SLC35F5: variants seen among roughly 807,000 people sequenced by gnomAD.
SLC35F5 encodes the protein HCV NS5A-transactivated protein 3.
A neutral mutation model predicts 68.6 loss-of-function variants in SLC35F5; 54 were observed. That is an observed-to-expected ratio of 0.79 (90% CI 0.63 to 0.99). SLC35F5 has a LOEUF of 0.99. Ranked by LOEUF, SLC35F5 falls within the 50% of genes least tolerant of loss-of-function variation. SLC35F5 has a pLI of 0.00. For missense variants in SLC35F5, 567 were observed against 626.9 expected, an observed-to-expected ratio of 0.90 and a Z score of 1.02; for synonymous variants, 211 against 205.2, an observed-to-expected ratio of 1.03 and a Z score of -0.24.
rs1406007662 is a variant in SLC35F5 at position 113,712,035 on chromosome 2, T to C, written c.*3183A>G. Among the ~76,000 whole-genome samples the C allele has an allele frequency of 6.6e-6, 1 of 152,208 alleles. No individual in the cohort carries two copies. Among genetic ancestry groups the C allele is most frequent in the African/African-American group, 2.4e-5 (1 of 41,458 alleles). The stretch of plus-strand genomic sequence containing the variant: ...AGTCATACCTCAAATTGGCTCTGCA[T>C]GATTGATTTTACAGCGGGCATTAAA... On this transcript the variant is annotated 3_prime_UTR_variant, in exon 16 of 16. Coordinates refer to ENST00000245680, the MANE Select transcript of SLC35F5 (RefSeq NM_025181.5).
chr2:113,750,755 C>A (rs1413518173), intron 3 of SLC35F5, among the ~76,000 whole-genome samples, 187 bp from the exon 4 acceptor site: 1 of 152,192 alleles, frequency 6.6e-6, no homozygotes, highest in Non-Finnish European at 1.5e-5. Flanking sequence ...CACAGAAGGG[C>A]ACCACCAAAC....
chr2:113,755,240 G>T lies in SLC35F5; in HGVS notation c.198C>A (p.Arg66=). The T allele has an allele frequency of 1.9e-6, 3 of 1,614,076 alleles. No homozygotes were observed. The highest frequency in any genetic ancestry group is 2.5e-6 in the Non-Finnish European group (3 of 1,180,002). Residue 66 remains arginine, a synonymous_variant, in exon 3 of 16, where the codon CGC becomes CGA. Transcript: ENST00000245680. Reference sequence around the variant, plus strand: ...TAACAATCCCAAGAGCCATTCGCCTGCGCTGAGTGAAACCACTGTTCTGGG... The same window carrying T: ...TAACAATCCCAAGAGCCATTCGCCTTCGCTGAGTGAAACCACTGTTCTGGG... ...MNSQNSGFTQ[R]RRMALGIVIL... is the part of the protein sequence containing the mutation.
At chr2:113,755,599 T>G (rs1676946952) in intron 1 of SLC35F5, 55 bp from the exon 2 acceptor site, 2 of 1,483,238 alleles carry the variant, frequency 1.3e-6, no homozygotes, top group Non-Finnish European at 1.9e-6. Flanking sequence ...AAGGTAAGAT[T>G]CATCACATCG....
At chr2:113,723,361 C>CAA (rs35737031) in intron 12 of SLC35F5, among the ~76,000 whole-genome samples, 167 bp from the exon 13 acceptor site, 105,931 of 151,722 alleles carry the variant, frequency 0.7, 37,602 homozygotes, top group Middle Eastern at 0.82. Flanking sequence ...AGATGATTCT[C>CAA]AGTTTTTCTT....
At chr2:113,736,923 A>AT (rs1688118827) in intron 7 of SLC35F5, among the ~76,000 whole-genome samples, 1 of 152,124 alleles carries the variant, frequency 6.6e-6, no homozygotes, top group Non-Finnish European at 1.5e-5. Flanking sequence ...TAATTCATCC[A>AT]TTTTTTTGTG....
chr2:113,719,183 A>C lies in SLC35F5; in HGVS notation c.1467T>G (p.Ala489=), dbSNP rs41279748. The C allele has an allele frequency of 9.8e-3, 15,781 of 1,607,250 alleles. 102 individuals are homozygous for C. The highest frequency in any genetic ancestry group is 0.012 in the Non-Finnish European group (13,778 of 1,178,636). The part of the protein sequence containing the change: ...PVMVGIRRIF[A]FICRKHRIQR... ...GAATTCGATGTTTTCTGCATATAAA[A>C]GCAAATATTCTTCTGATTCCCACCA... The change falls in exon 14 of 16, where the codon GCT becomes GCG. Residue 489 remains alanine (A), a synonymous_variant. Coordinates refer to ENST00000245680, the MANE Select transcript of SLC35F5 (RefSeq NM_025181.5).
At position 113,755,274 on chromosome 2, in the gene SLC35F5, C is replaced by A. The variant is rs775870472; in HGVS notation, c.164G>T (p.Arg55Leu). 1 of 1,614,052 alleles carries A rather than the reference C, an allele frequency of 6.2e-7. No homozygotes were observed. Among genetic ancestry groups the A allele is most frequent in the Non-Finnish European group, 8.5e-7 (1 of 1,180,006 alleles). Residue 55 changes from arginine to leucine, a missense_variant, in exon 3 of 16, where the codon CGA (arginine) becomes CTA (leucine). Coordinates refer to ENST00000245680, the MANE Select transcript of SLC35F5 (RefSeq NM_025181.5). The stretch of plus-strand genomic sequence containing the variant: ...GAAACCACTGTTCTGGGAATTCATT[C>A]GGTTCATGACAAATACACACACCAT... ...LQMVCVFVMN[R>L]MNSQNSGFTQ...
At chr2:113,754,286 C>T (rs1174679446) in intron 3 of SLC35F5, among the ~76,000 whole-genome samples, 5 of 143,056 alleles carry the variant, frequency 3.5e-5, no homozygotes, top group African/African-American at 1.3e-4. Flanking sequence ...CAGAGCAAGA[C>T]TCCATCTCAA....
rs1367897126 is a variant in SLC35F5, at chr2:113,709,465, C to T, written c.*5753G>A. ...TGAGGGAAGGACGGACCATGGGAGT[C>T]AGCATTTTTCAAGCATCCAGGCACG... On this transcript the variant is annotated 3_prime_UTR_variant, in exon 16 of 16. Transcript: ENST00000245680. Among the ~76,000 whole-genome samples, 1 of 152,216 alleles carries T rather than the reference C, an allele frequency of 6.6e-6. No individual in the cohort carries two copies. The highest frequency in any genetic ancestry group is 6.5e-5 in the Admixed American group (1 of 15,286).
intron 1 of SLC35F5, chr2:113,755,818 G>T: frequency 6.5e-7 from 1 of 1,536,222 alleles, no homozygotes; most frequent in Non-Finnish European, 8.8e-7. Context: ...CCAGAAAATA[G>T]CTTCTCTGAG....
rs1296040110 is a variant in SLC35F5 at position 113,742,802 on chromosome 2, T to G, written c.640A>C (p.Lys214Gln). ...ACAGGATATGACATGCGAGACAACTTTGCTTCCAATGCATGACTTGACGGA... is the reference window on the plus strand; with the variant it reads ...ACAGGATATGACATGCGAGACAACTGTGCTTCCAATGCATGACTTGACGGA... ...QLPSSHALEA[K>Q]LSRMSYPVKE... Residue 214 changes from lysine to glutamine, a missense_variant, in exon 7 of 16, where the codon AAG becomes CAG. Coordinates refer to ENST00000245680, the MANE Select transcript of SLC35F5 (RefSeq NM_025181.5). 1 of 1,614,060 alleles carries G rather than the reference T, an allele frequency of 6.2e-7. No homozygotes were observed. The highest frequency in any genetic ancestry group is 8.5e-7 in the Non-Finnish European group (1 of 1,180,022).
chr2:113,753,178 T>TC (rs1559367852), intron 3 of SLC35F5, among the ~76,000 whole-genome samples: 1 of 119,540 alleles, frequency 8.4e-6, no homozygotes, highest in African/African-American at 2.9e-5. Flanking sequence ...CTTTTTTTTT[T>TC]TTTTTTTTTT....
intron 14 of SLC35F5, 148 bp from the exon 15 acceptor site, chr2:113,717,998 T>C: frequency 7.3e-6 from 4 of 549,080 alleles, no homozygotes; most frequent in Non-Finnish European, 3.2e-6. Context: ...CAAGAACTTG[T>C]CCCAAGTTAG....
intron 13 of SLC35F5, chr2:113,721,270 A>G (rs1687421656): frequency 6.6e-6 from 1 of 151,584 alleles, no homozygotes; most frequent in Admixed American, 6.6e-5. Context: ...ACACCAACAC[A>G]CAGCCTGCTC....
At chr2:113,732,438 T>A (rs1352485660) in intron 9 of SLC35F5, among the ~76,000 whole-genome samples, 2 of 149,028 alleles carry the variant, frequency 1.3e-5, no homozygotes, top group East Asian at 3.9e-4. Context: ...AAAAAAAAAA[T>A]TAGCCTAATT....
chr2:113,725,752 A>G (rs1372329605), intron 11 of SLC35F5: 10 of 430,490 alleles, frequency 2.3e-5, no homozygotes, highest in Admixed American at 4.3e-5. Flanking sequence ...ACTCAGTTCA[A>G]CTACCCACAT....
intron 3 of SLC35F5, among the ~76,000 whole-genome samples, chr2:113,753,369 G>T (rs1398344236): frequency 6.6e-6 from 1 of 151,760 alleles, no homozygotes; most frequent in Non-Finnish European, 1.5e-5. Context: ...TAGAGACTGA[G>T]TTTCACCATG....
chr2:113,737,277 C>T (rs1298384940), intron 7 of SLC35F5, among the ~76,000 whole-genome samples: 10 of 152,222 alleles, frequency 6.6e-5, no homozygotes, highest in Non-Finnish European at 1.2e-4. Context: ...CAGCAGATGG[C>T]TGAGAGCCTA....
At chr2:113,705,840 T>C (rs946634537), downstream of SLC35F5, among the ~76,000 whole-genome samples, 5 of 152,238 alleles carry the variant, frequency 3.3e-5, no homozygotes, top group African/African-American at 1.2e-4. Flanking sequence ...AAAATATTTT[T>C]CATGTTTTAT....
Sources: gnomAD v4.1 joint callset for allele counts (sites outside exome capture counted in the v4.1 genomes callset) on GRCh38, gnomAD v4.1.1 for gene constraint, MANE v1.5 for transcripts, NCBI Gene and HGNC (gene_info 2026-07-23, HGNC 2026-07-21) for gene names.